Variants in RIPOR2 observed in about 807,000 individuals in gnomAD.
The protein encoded by RIPOR2 is RHO family interacting cell polarization regulator 2, also known as rho family-interacting cell polarization regulator 2.
A neutral mutation model predicts 114.5 loss-of-function variants in RIPOR2; 39 were observed. That is an observed-to-expected ratio of 0.34 (90% CI 0.26 to 0.44). The LOEUF (loss-of-function observed/expected upper bound fraction) is 0.44, where lower values mean the gene tolerates loss of function less well. Among genes scored for constraint, RIPOR2 ranks in the 20% least tolerant of loss-of-function variants. The probability of loss-of-function intolerance (pLI) is 1.00; values close to 1 mark genes in which losing one functional copy is unlikely to be tolerated. For synonymous variants in RIPOR2, 445 were observed against 484.4 expected (o/e 0.92, Z 1.07); for missense variants, 1,007 against 1,255.1 (o/e 0.80, Z 2.99).
intron 1 of RIPOR2, among the ~76,000 whole-genome samples, chr6:24,905,768 C>T (rs1313107314): frequency 1.3e-5 from 2 of 152,214 alleles, no homozygotes; most frequent in Admixed American, 1.3e-4. Context: ...AGGAAAATCA[C>T]GTGTGCTTTT....
At chr6:24,809,668 G>C (rs1156929946) in intron 21 of RIPOR2, 49 bp downstream of exon 21, 1 of 1,222,420 alleles carries the variant, frequency 8.2e-7, no homozygotes, top group Non-Finnish European at 1.2e-6. Context: ...ACATCCGTTA[G>C]AGAGTGCCAG....
At chr6:25,031,734 T>TCC (rs1776971341) in intron 1 of RIPOR2, among the ~76,000 whole-genome samples, 4 of 101,886 alleles carry the variant, frequency 3.9e-5, no homozygotes, top group African/African-American at 8.4e-5. Flanking sequence ...TATATATATA[T>TCC]ATATATATAT....
chr6:24,944,594 C>T (rs1772315850), intron 1 of RIPOR2, among the ~76,000 whole-genome samples: 1 of 152,072 alleles, frequency 6.6e-6, no homozygotes, highest in Admixed American at 6.6e-5. Context: ...GGTCTATACA[C>T]AGGAAAAATA....
intron 1 of RIPOR2, among the ~76,000 whole-genome samples, chr6:25,011,573 G>A (rs1052332041): frequency 6.6e-6 from 1 of 152,182 alleles, no homozygotes; most frequent in African/African-American, 2.4e-5. Flanking sequence ...GTGTTACATC[G>A]GGAAGCCAAG....
At chr6:24,984,938 G>T (rs533715279) in intron 1 of RIPOR2, among the ~76,000 whole-genome samples, 118 of 152,288 alleles carry the variant, frequency 7.7e-4, no homozygotes, top group African/African-American at 2.7e-3. Flanking sequence ...TTGCTGCTGA[G>T]GCTGGCACTG....
intron 1 of RIPOR2, among the ~76,000 whole-genome samples, chr6:24,905,514 G>C (rs1290045787): frequency 6.6e-6 from 1 of 152,202 alleles, no homozygotes; most frequent in African/African-American, 2.4e-5. Context: ...AGTTATCTTG[G>C]AATCTTCATG....
At chr6:24,955,459 C>T (rs925458888) in intron 1 of RIPOR2, among the ~76,000 whole-genome samples, 12 of 151,924 alleles carry the variant, frequency 7.9e-5, no homozygotes, top group African/African-American at 2.7e-4. Context: ...AGGCCCCTCA[C>T]CCCTGCTCAC....
chr6:24,926,441 C>A (rs934796893), intron 1 of RIPOR2, among the ~76,000 whole-genome samples: 2 of 152,176 alleles, frequency 1.3e-5, no homozygotes, highest in Admixed American at 1.3e-4. Context: ...TTGATTAAAG[C>A]AATAGCACAT....
chr6:24,861,374 A>G (rs1024363406), intron 7 of RIPOR2, among the ~76,000 whole-genome samples: 2 of 152,250 alleles, frequency 1.3e-5, no homozygotes, highest in Non-Finnish European at 1.5e-5. Flanking sequence ...GAGACTAGAC[A>G]AACATAATCA....
chr6:24,955,692 C>T (rs1773000920), intron 1 of RIPOR2, among the ~76,000 whole-genome samples: 1 of 111,734 alleles, frequency 8.9e-6, no homozygotes, highest in Non-Finnish European at 1.8e-5. Context: ...GTCCATGCTG[C>T]TCCTTCAAAA....
intron 1 of RIPOR2, among the ~76,000 whole-genome samples, chr6:24,905,097 G>A (rs1260532371): frequency 6.6e-6 from 1 of 152,094 alleles, no homozygotes; most frequent in African/African-American, 2.4e-5. Context: ...CTTGAGTATA[G>A]GTTAGGCAGT....
chr6:24,942,401 A>T (rs1376928672), intron 1 of RIPOR2, among the ~76,000 whole-genome samples: 1 of 152,194 alleles, frequency 6.6e-6, no homozygotes, highest in Non-Finnish European at 1.5e-5. Context: ...AAAGACCTTT[A>T]AAAAGCCTTT....
At chr6:24,961,394 C>T (rs567945994) in intron 1 of RIPOR2, among the ~76,000 whole-genome samples, 1 of 152,136 alleles carries the variant, frequency 6.6e-6, no homozygotes, top group South Asian at 2.1e-4. Flanking sequence ...CTAAGAAGTC[C>T]CTAGCTTGTG....
chr6:24,890,486 T>C (rs1252082623), intron 1 of RIPOR2, among the ~76,000 whole-genome samples: 5 of 152,074 alleles, frequency 3.3e-5, no homozygotes, highest in South Asian at 2.1e-4. Context: ...TGATAGACCA[T>C]GGAGACTTGG....
chr6:24,927,064 C>T (rs1373259181), intron 1 of RIPOR2, among the ~76,000 whole-genome samples: 2 of 276 alleles, frequency 7.2e-3, no homozygotes, highest in East Asian at 0.5. Flanking sequence ...CCACCACCAC[C>T]ACCACCACCA....
chr6:24,864,686 T>C (rs1764406719), intron 7 of RIPOR2, among the ~76,000 whole-genome samples: 1 of 152,172 alleles, frequency 6.6e-6, no homozygotes, highest in African/African-American at 2.4e-5. Context: ...CTATGTCAGA[T>C]GCTTGGGCCC....
chr6:25,019,618 CAAA>C (rs1776200512), intron 1 of RIPOR2, among the ~76,000 whole-genome samples: 1 of 149,690 alleles, frequency 6.7e-6, no homozygotes, highest in South Asian at 2.1e-4. Flanking sequence ...ACTAAAAATA[CAAA>C]AAGTTAGCCG....
At chr6:24,930,803 C>A (rs552416133) in intron 1 of RIPOR2, among the ~76,000 whole-genome samples, 12 of 152,330 alleles carry the variant, frequency 7.9e-5, no homozygotes, top group Non-Finnish European at 1.5e-4. Context: ...GTGACCAATT[C>A]TTTTCAACCC....
intron 1 of RIPOR2, among the ~76,000 whole-genome samples, chr6:24,941,082 T>C (rs1400321891): frequency 3.9e-5 from 6 of 152,194 alleles, no homozygotes; most frequent in Non-Finnish European, 7.3e-5. Context: ...TCTTCCTGCC[T>C]GCCTCCCCCA....
Sources: allele counts gnomAD v4.1 joint callset (sites outside exome capture counted in the v4.1 genomes callset), GRCh38; gene constraint gnomAD v4.1.1; transcripts MANE v1.5; gene names NCBI Gene and HGNC (gene_info 2026-07-23, HGNC 2026-07-21).